XKR4: variants seen among roughly 807,000 people sequenced by gnomAD.
XKR4 encodes XK-related protein 4.
Under a neutral mutation model 53.9 loss-of-function variants are expected in XKR4, and 12 were observed. The observed-to-expected ratio is 0.22, with a 90% CI of 0.14 to 0.36. The LOEUF (loss-of-function observed/expected upper bound fraction) is 0.36. Ranked by LOEUF, XKR4 falls within the 10% of genes least tolerant of loss-of-function variation. The pLI, the probability that XKR4 is intolerant of heterozygous loss-of-function variation, is 1.00. For synonymous variants in XKR4, 354 were observed against 362.4 expected, an observed-to-expected ratio of 0.98 and a Z score of 0.26; for missense variants, 799 against 859.5, an observed-to-expected ratio of 0.93 and a Z score of 0.88.
At position 55,524,264 on chromosome 8, in the gene XKR4, A is replaced by G; in HGVS notation, c.*37A>G. On this transcript the variant is annotated 3_prime_UTR_variant, in exon 3 of 3. Transcript: ENST00000327381. ...TTGCAGGACCCACAACATCCAGATGAAGGGGTGACAGCAGGGCTGTGGCCA... is the reference window on the plus strand; with the variant it reads ...TTGCAGGACCCACAACATCCAGATGGAGGGGTGACAGCAGGGCTGTGGCCA... 1.3e-6 allele frequency: 2 copies of G among 1,575,796 alleles called. No homozygotes were observed. Among genetic ancestry groups the G allele is most frequent in the Non-Finnish European group, 1.7e-6 (2 of 1,156,302 alleles).
intron 2 of XKR4, among the ~76,000 whole-genome samples, chr8:55,515,013 C>G (rs1806689506): frequency 1.3e-5 from 2 of 152,124 alleles, no homozygotes; most frequent in Non-Finnish European, 2.9e-5. Flanking sequence ...TATGTTTTCC[C>G]AACCAGAAGG....
intron 1 of XKR4, among the ~76,000 whole-genome samples, chr8:55,130,721 G>C (rs1258315793): frequency 2.0e-5 from 3 of 152,168 alleles, no homozygotes. Flanking sequence ...GGGGGTTCAT[G>C]TAAGTTGTAG....
At chr8:55,246,597 C>T (rs141645315) in intron 1 of XKR4, among the ~76,000 whole-genome samples, 3 of 152,062 alleles carry the variant, frequency 2.0e-5, no homozygotes, top group East Asian at 1.9e-4. Context: ...ATAGCATGCA[C>T]GTTTTCCTTT....
intron 1 of XKR4, among the ~76,000 whole-genome samples, chr8:55,252,462 T>G (rs1022698936): frequency 6.6e-6 from 1 of 152,198 alleles, no homozygotes; most frequent in Admixed American, 6.5e-5. Flanking sequence ...CACTTAAATG[T>G]CTGCTGAATA....
chr8:55,354,295 T>C (rs1183058831), intron 1 of XKR4, among the ~76,000 whole-genome samples: 1 of 152,190 alleles, frequency 6.6e-6, no homozygotes. Flanking sequence ...GAGGCCACAG[T>C]GCAACCAAAT....
chr8:55,289,729 GAAAGAAAGAAAGAA>G (rs1169147948), intron 1 of XKR4, among the ~76,000 whole-genome samples: 4 of 43,614 alleles, frequency 9.2e-5, no homozygotes, highest in South Asian at 2.5e-3. Context: ...GAAAGAGAAA[GAAAGAAAGAAAGAA>G]AAAGAAAGAA....
At chr8:55,247,244 G>A (rs1236734851) in intron 1 of XKR4, among the ~76,000 whole-genome samples, 1 of 152,190 alleles carries the variant, frequency 6.6e-6, no homozygotes, top group African/African-American at 2.4e-5. Flanking sequence ...AGACGGAGAA[G>A]CTATGAGCTG....
At chr8:55,371,394 G>A (rs1056737918) in intron 2 of XKR4, among the ~76,000 whole-genome samples, 1 of 152,048 alleles carries the variant, frequency 6.6e-6, no homozygotes, top group Non-Finnish European at 1.5e-5. Context: ...ACTTGAAAGA[G>A]GTGTTGGGTA....
At chr8:55,164,599 T>C (rs1817038785) in intron 1 of XKR4, 2 of 341,642 alleles carry the variant, frequency 5.9e-6, no homozygotes, top group Admixed American at 3.7e-5. Context: ...AGCCCTGAGA[T>C]GGCTGGACAG....
chr8:55,449,084 G>GT (rs1216151390), intron 2 of XKR4, among the ~76,000 whole-genome samples: 2 of 115,750 alleles, frequency 1.7e-5, no homozygotes, highest in African/African-American at 5.4e-5. Flanking sequence ...ATCCTCTCAG[G>GT]TTAAAAAAAA....
chr8:55,118,503 A>G (rs532199896), intron 1 of XKR4, among the ~76,000 whole-genome samples: 3 of 152,274 alleles, frequency 2.0e-5, no homozygotes, highest in African/African-American at 7.2e-5. Context: ...ACCTCCTAAG[A>G]CCTATCTCAG....
At chr8:55,148,867 A>G (rs965096050) in intron 1 of XKR4, among the ~76,000 whole-genome samples, 2 of 152,192 alleles carry the variant, frequency 1.3e-5, no homozygotes, top group Non-Finnish European at 2.9e-5. Context: ...TGTCACAGAA[A>G]GCGTCCTTAG....
chr8:55,136,263 T>C (rs916391779), intron 1 of XKR4, among the ~76,000 whole-genome samples: 5 of 152,120 alleles, frequency 3.3e-5, no homozygotes, highest in African/African-American at 1.2e-4. Flanking sequence ...TCAAGACACA[T>C]TGTTGGATGT....
intron 2 of XKR4, among the ~76,000 whole-genome samples, chr8:55,364,165 C>G (rs1056931081): frequency 6.6e-6 from 1 of 152,210 alleles, no homozygotes; most frequent in African/African-American, 2.4e-5. Context: ...TGTCCATTGT[C>G]AGACAGTTCT....
At chr8:55,187,980 T>C (rs1817400753) in intron 1 of XKR4, among the ~76,000 whole-genome samples, 1 of 152,246 alleles carries the variant, frequency 6.6e-6, no homozygotes, top group Non-Finnish European at 1.5e-5. Context: ...AGTGCTTTTT[T>C]TCAGAATGTG....
chr8:55,502,269 T>C (rs1178973623), intron 2 of XKR4, among the ~76,000 whole-genome samples: 1 of 152,254 alleles, frequency 6.6e-6, no homozygotes, highest in Non-Finnish European at 1.5e-5. Context: ...GGTAATTCTA[T>C]GTTTAATTGC....
intron 2 of XKR4, among the ~76,000 whole-genome samples, chr8:55,495,645 T>C (rs966546777): frequency 6.6e-6 from 1 of 151,964 alleles, no homozygotes; most frequent in African/African-American, 2.4e-5. Flanking sequence ...ACAGTGGCGG[T>C]GGATGATAGT....
chr8:55,315,635 A>G (rs1427024206), intron 1 of XKR4, among the ~76,000 whole-genome samples: 1 of 152,128 alleles, frequency 6.6e-6, no homozygotes, highest in Non-Finnish European at 1.5e-5. Flanking sequence ...CTCCAGCCTG[A>G]GTGACAGAGC....
At chr8:55,324,752 A>T (rs1035967567) in intron 1 of XKR4, among the ~76,000 whole-genome samples, 1 of 152,216 alleles carries the variant, frequency 6.6e-6, no homozygotes, top group Admixed American at 6.5e-5. Context: ...AGACTAGGGG[A>T]CAGGAAATAA....
Sources: gnomAD v4.1 joint callset for allele counts (sites outside exome capture counted in the v4.1 genomes callset) on GRCh38, gnomAD v4.1.1 for gene constraint, MANE v1.5 for transcripts, NCBI Gene and HGNC (gene_info 2026-07-23, HGNC 2026-07-21) for gene names.